GRID2: variants seen among roughly 807,000 people sequenced by gnomAD.
GRID2 encodes the protein glutamate receptor ionotropic, delta-2.
In GRID2, 33 loss-of-function variants were observed where a neutral mutation model predicts 114.8. The observed-to-expected ratio is 0.29, with a 90% CI of 0.22 to 0.38. The LOEUF is 0.38. GRID2 is among the 10% of genes least tolerant of loss of function. The pLI is 1.00. For synonymous variants in GRID2, 505 were observed against 449.9 expected (o/e 1.12, Z -1.55); for missense variants, 1,184 against 1,257.7 (o/e 0.94, Z 0.89).
chr4:92,515,847 G>A (rs945054915), intron 1 of GRID2, among the ~76,000 whole-genome samples: 3 of 151,810 alleles, frequency 2.0e-5, no homozygotes, highest in African/African-American at 2.4e-5. Flanking sequence ...GACTTTCTAC[G>A]AAGGCAAATT....
chr4:92,984,449 T>A (rs578234822), intron 2 of GRID2, among the ~76,000 whole-genome samples: 1 of 152,348 alleles, frequency 6.6e-6, no homozygotes, highest in East Asian at 1.9e-4. Flanking sequence ...TACTCTTTGT[T>A]AGAGAAAGAC....
chr4:92,415,023 A>G (rs758905755), intron 1 of GRID2, among the ~76,000 whole-genome samples: 13 of 152,054 alleles, frequency 8.5e-5, no homozygotes, highest in Non-Finnish European at 1.8e-4. Flanking sequence ...CCTTATTATT[A>G]TTATTTTGTT....
At chr4:92,926,692 TG>T (rs1749833972) in intron 2 of GRID2, among the ~76,000 whole-genome samples, 1 of 151,942 alleles carries the variant, frequency 6.6e-6, no homozygotes, top group African/African-American at 2.4e-5. Context: ...TATTCTGTTT[TG>T]TGCTGCTAAA....
At chr4:93,740,198 C>T (rs1048701758) in intron 14 of GRID2, among the ~76,000 whole-genome samples, 26 of 152,218 alleles carry the variant, frequency 1.7e-4, no homozygotes, top group African/African-American at 6.0e-4. Flanking sequence ...AGCCTAGGAG[C>T]AATAGGCTAC....
At chr4:93,507,503 G>A (rs11934665) in intron 12 of GRID2, among the ~76,000 whole-genome samples, 2,157 of 152,258 alleles carry the variant, frequency 0.014, 49 homozygotes, top group African/African-American at 0.049. Context: ...ATTGCCAAAG[G>A]TGACTGTCCT....
At chr4:93,689,548 A>G (rs1321560205) in intron 14 of GRID2, among the ~76,000 whole-genome samples, 8 of 152,054 alleles carry the variant, frequency 5.3e-5, no homozygotes, top group Admixed American at 2.6e-4. Context: ...CTGCCCATCA[A>G]TGAACTGACC....
intron 2 of GRID2, among the ~76,000 whole-genome samples, chr4:93,079,293 G>C (rs1013808049): frequency 3.3e-5 from 5 of 151,816 alleles, no homozygotes; most frequent in Non-Finnish European, 5.9e-5. Context: ...TAAACACATG[G>C]AGCTGAAATT....
intron 2 of GRID2, among the ~76,000 whole-genome samples, chr4:92,855,877 G>A (rs949410257): frequency 6.6e-6 from 1 of 151,918 alleles, no homozygotes; most frequent in Non-Finnish European, 1.5e-5. Flanking sequence ...TTAAATATAG[G>A]AAAGGTGAAA....
intron 2 of GRID2, among the ~76,000 whole-genome samples, chr4:92,849,250 CAGAT>C (rs1207146105): frequency 4.6e-5 from 7 of 151,928 alleles, no homozygotes; most frequent in Non-Finnish European, 1.0e-4. Context: ...ATTTACCTAT[CAGAT>C]AGGATACATC....
chr4:93,226,401 G>A (rs1261877517), intron 7 of GRID2, among the ~76,000 whole-genome samples: 1 of 152,154 alleles, frequency 6.6e-6, no homozygotes, highest in Non-Finnish European at 1.5e-5. Flanking sequence ...CAGAGAAATA[G>A]GCAAGAAAAG....
At chr4:92,785,390 ATATATAT>A (rs1739268947) in intron 2 of GRID2, among the ~76,000 whole-genome samples, 1 of 151,234 alleles carries the variant, frequency 6.6e-6, no homozygotes, top group African/African-American at 2.4e-5. Context: ...TTTTAAATAA[ATATATAT>A]TAAATATTGT....
chr4:93,707,584 C>T (rs999820998), intron 14 of GRID2, among the ~76,000 whole-genome samples: 3 of 151,906 alleles, frequency 2.0e-5, no homozygotes, highest in African/African-American at 7.2e-5. Flanking sequence ...TGGCTCTTCT[C>T]TCTTTTTTCT....
At chr4:93,356,589 G>T (rs1249619057) in intron 8 of GRID2, among the ~76,000 whole-genome samples, 2 of 151,664 alleles carry the variant, frequency 1.3e-5, no homozygotes, top group African/African-American at 4.8e-5. Context: ...TTTATAAAAT[G>T]AATTAAACAG....
At chr4:93,420,132 A>G (rs1419232941) in intron 9 of GRID2, among the ~76,000 whole-genome samples, 3 of 152,172 alleles carry the variant, frequency 2.0e-5, no homozygotes, top group Non-Finnish European at 4.4e-5. Context: ...TCTTCCATGA[A>G]TCCTCTTACA....
intron 2 of GRID2, among the ~76,000 whole-genome samples, chr4:92,957,247 T>G (rs1275498075): frequency 6.6e-6 from 1 of 152,150 alleles, no homozygotes; most frequent in Non-Finnish European, 1.5e-5. Flanking sequence ...CATATGATTT[T>G]TTTTTCTATG....
At chr4:93,503,660 C>T (rs776928159) in intron 12 of GRID2, among the ~76,000 whole-genome samples, 6 of 151,944 alleles carry the variant, frequency 3.9e-5, no homozygotes, top group Non-Finnish European at 8.8e-5. Context: ...TGAACTCAAA[C>T]CACTTTGCAC....
At chr4:93,744,109 G>A (rs900701983) in intron 14 of GRID2, among the ~76,000 whole-genome samples, 9 of 152,176 alleles carry the variant, frequency 5.9e-5, no homozygotes, top group African/African-American at 2.2e-4. Flanking sequence ...ACACTGCTCA[G>A]AAAACAAGAT....
At chr4:92,403,522 C>A (rs113695737) in intron 1 of GRID2, among the ~76,000 whole-genome samples, 1 of 151,612 alleles carries the variant, frequency 6.6e-6, no homozygotes, top group South Asian at 2.1e-4. Context: ...ATGGTGGAAC[C>A]CCATCTCTAC....
chr4:93,022,348 A>G (rs1723452044), intron 2 of GRID2, among the ~76,000 whole-genome samples: 1 of 151,944 alleles, frequency 6.6e-6, no homozygotes, highest in Non-Finnish European at 1.5e-5. Context: ...CTTTAATACC[A>G]ACTCAAACAG....
Sources: allele counts gnomAD v4.1 joint callset (sites outside exome capture counted in the v4.1 genomes callset), GRCh38; gene constraint gnomAD v4.1.1; transcripts MANE v1.5; gene names NCBI Gene and HGNC (gene_info 2026-07-23, HGNC 2026-07-21).